Variants in PTPRQ observed in about 807,000 individuals in gnomAD.
The protein encoded by PTPRQ is protein tyrosine phosphatase receptor type Q.
A neutral mutation model predicts 246.0 loss-of-function variants in PTPRQ; 199 were observed. The observed-to-expected ratio is 0.81, with a 90% CI of 0.72 to 0.91. The LOEUF (loss-of-function observed/expected upper bound fraction) is 0.91, where lower values mean the gene tolerates loss of function less well. Ranked by LOEUF, PTPRQ falls within the 40% of genes least tolerant of loss-of-function variation. PTPRQ has a pLI of 0.00. For missense variants in PTPRQ, 2,624 were observed against 2,528.4 expected (o/e 1.04, Z -0.81); for synonymous variants, 869 against 853.2 (o/e 1.02, Z -0.32).
At chr12:80,527,447 T>C (rs574386691) in intron 17 of PTPRQ, among the ~76,000 whole-genome samples, 1 of 152,186 alleles carries the variant, frequency 6.6e-6, no homozygotes, top group South Asian at 2.1e-4. Context: ...GCTCTCCCTT[T>C]GTACAAAATT....
intron 2 of PTPRQ, 113 bp downstream of exon 2, chr12:80,444,962 T>C: frequency 8.1e-7 from 1 of 1,230,326 alleles, no homozygotes; most frequent in South Asian, 1.5e-5. Flanking sequence ...GAAAACAGTG[T>C]AGAATAAGGC....
intron 28 of PTPRQ, among the ~76,000 whole-genome samples, chr12:80,613,133 A>G (rs1047722999): frequency 2.0e-5 from 3 of 150,556 alleles, no homozygotes; most frequent in African/African-American, 7.3e-5. Context: ...TAAAGTCTGT[A>G]GCATTAACAG....
At chr12:80,584,609 C>T (rs1897550382) in intron 25 of PTPRQ, among the ~76,000 whole-genome samples, 1 of 152,128 alleles carries the variant, frequency 6.6e-6, no homozygotes, top group Non-Finnish European at 1.5e-5. Context: ...TTTGTTATTG[C>T]CGACATGAAT....
intron 39 of PTPRQ, among the ~76,000 whole-genome samples, chr12:80,661,427 G>T (rs1900628230): frequency 6.7e-6 from 1 of 150,264 alleles, no homozygotes; most frequent in Non-Finnish European, 1.5e-5. Flanking sequence ...TATATATATT[G>T]TAATTTTGGA....
At chr12:80,549,394 C>A in intron 24 of PTPRQ, 71 bp from the exon 25 acceptor site, 1 of 1,434,774 alleles carries the variant, frequency 7.0e-7, no homozygotes, top group Non-Finnish European at 9.2e-7. Context: ...ATCTAGTGAT[C>A]ACGTAATTCA....
intron 6 of PTPRQ, among the ~76,000 whole-genome samples, chr12:80,465,805 A>G (rs2120512233): frequency 6.6e-6 from 1 of 152,168 alleles, no homozygotes; most frequent in East Asian, 1.9e-4. Context: ...AAATTCAACA[A>G]CCCTCCATGC....
chr12:80,604,434 CAAAGTAGGACAAATTAAG>C (rs1345702398), intron 26 of PTPRQ, among the ~76,000 whole-genome samples: 1 of 151,296 alleles, frequency 6.6e-6, no homozygotes, highest in Non-Finnish European at 1.5e-5. Context: ...GAAAAAATAA[CAAAGTAGGACAAATTAAG>C]AAAGTAGAAC....
At chr12:80,546,922 T>C in intron 24 of PTPRQ, 2 of 413,968 alleles carry the variant, frequency 4.8e-6, no homozygotes, top group East Asian at 9.1e-5. Flanking sequence ...CAGAGGAAGT[T>C]GAAATAAAAT....
At chr12:80,523,905 A>T (rs1360614389) in intron 17 of PTPRQ, among the ~76,000 whole-genome samples, 1 of 152,114 alleles carries the variant, frequency 6.6e-6, no homozygotes, top group Non-Finnish European at 1.5e-5. Flanking sequence ...GCTGAGTTCC[A>T]TTCCTGGATA....
intron 8 of PTPRQ, among the ~76,000 whole-genome samples, chr12:80,477,284 C>T (rs1036998758): frequency 2.0e-5 from 3 of 152,134 alleles, no homozygotes; most frequent in African/African-American, 4.8e-5. Context: ...TCTAATTTAA[C>T]TTACCAACTA....
intron 39 of PTPRQ, among the ~76,000 whole-genome samples, chr12:80,660,900 C>G (rs925527255): frequency 2.6e-5 from 4 of 151,980 alleles, no homozygotes; most frequent in Non-Finnish European, 5.9e-5. Context: ...TTGTCAGATT[C>G]TAACTCACAG....
At chr12:80,583,720 G>T (rs1317791735) in intron 25 of PTPRQ, 1 of 152,148 alleles carries the variant, frequency 6.6e-6, no homozygotes. Context: ...TTAGCTCATA[G>T]TTCTATAGGT....
chr12:80,596,128 A>G (rs1324550000), intron 26 of PTPRQ, among the ~76,000 whole-genome samples: 2 of 152,082 alleles, frequency 1.3e-5, no homozygotes, highest in East Asian at 3.9e-4. Context: ...CCATGAAAGA[A>G]CAAAGGGGAA....
chr12:80,459,106 C>T (rs7969433), intron 4 of PTPRQ, among the ~76,000 whole-genome samples, 178 bp from the exon 5 acceptor site: 14,683 of 152,018 alleles, frequency 0.097, 1,511 homozygotes, highest in African/African-American at 0.25. Flanking sequence ...AGTTGACTTG[C>T]CCCAACTCCA....
At chr12:80,484,749 A>T (rs1012322609) in intron 9 of PTPRQ, 144 bp downstream of exon 9, 2 of 881,372 alleles carry the variant, frequency 2.3e-6, no homozygotes, top group Non-Finnish European at 3.3e-6. Flanking sequence ...CATGTTGATA[A>T]TCTAGCTAGA....
intron 26 of PTPRQ, among the ~76,000 whole-genome samples, chr12:80,598,252 A>G (rs903669667): frequency 6.6e-6 from 1 of 151,990 alleles, no homozygotes; most frequent in African/African-American, 2.4e-5. Flanking sequence ...TAGAAAACAC[A>G]CTTAACATCT....
intron 29 of PTPRQ, 54 bp downstream of exon 29, chr12:80,613,890 C>A: frequency 7.0e-7 from 1 of 1,429,830 alleles, no homozygotes; most frequent in Non-Finnish European, 9.2e-7. Context: ...AGTTTATGAA[C>A]TTGGCATTTA....
chr12:80,527,733 C>A (rs1349680805), intron 17 of PTPRQ, among the ~76,000 whole-genome samples: 2 of 152,092 alleles, frequency 1.3e-5, no homozygotes, highest in Admixed American at 6.6e-5. Flanking sequence ...TATCTTTAAT[C>A]TCAGCACTTT....
chr12:80,463,101 A>G (rs1301166270), intron 6 of PTPRQ, among the ~76,000 whole-genome samples: 3 of 152,194 alleles, frequency 2.0e-5, no homozygotes, highest in Non-Finnish European at 4.4e-5. Flanking sequence ...CCAAAGGCAA[A>G]GAAGTTGAAA....
Sources: allele counts gnomAD v4.1 joint callset (sites outside exome capture counted in the v4.1 genomes callset), GRCh38; gene constraint gnomAD v4.1.1; transcripts MANE v1.5; gene names NCBI Gene and HGNC (gene_info 2026-07-23, HGNC 2026-07-21).